The following ARHGEF12 variants were observed in gnomAD, a reference collection of about 807,000 sequenced individuals.
ARHGEF12 encodes KMT2A/ARHGEF12 fusion protein.
A neutral mutation model predicts 211.2 loss-of-function variants in ARHGEF12; 66 were observed. The ratio of observed to expected loss-of-function variants is 0.31; its 90% confidence interval spans 0.26 to 0.38. The LOEUF (loss-of-function observed/expected upper bound fraction) is 0.38, where lower values mean the gene tolerates loss of function less well. ARHGEF12 is among the 10% of genes least tolerant of loss of function. The pLI is 1.00. For synonymous variants in ARHGEF12, 592 were observed against 638.4 expected, an observed-to-expected ratio of 0.93 and a Z score of 1.09; for missense variants, 1,429 against 1,869.5, an observed-to-expected ratio of 0.76 and a Z score of 4.34.
chr11:120,409,586 C>G (rs140107215), intron 4 of ARHGEF12, 136 bp downstream of exon 4: 1 of 837,848 alleles, frequency 1.2e-6, no homozygotes, highest in African/African-American at 1.7e-5. Flanking sequence ...ATGGCATGAT[C>G]TACTGCAGGG....
chr11:120,467,452 T>C (rs1296411), intron 29 of ARHGEF12, 144 bp downstream of exon 29: 5 of 527,402 alleles, frequency 9.5e-6, no homozygotes, highest in African/African-American at 6.0e-5. Flanking sequence ...TTTTTTTTTT[T>C]CCTTTTTTGA....
intron 1 of ARHGEF12, among the ~76,000 whole-genome samples, chr11:120,391,458 G>A (rs1023664670): frequency 6.6e-6 from 1 of 152,166 alleles, no homozygotes; most frequent in African/African-American, 2.4e-5. Flanking sequence ...CCTGCCTTTG[G>A]CAGTAGAGCA....
chr11:120,341,557 G>T (rs150726933), intron 1 of ARHGEF12, among the ~76,000 whole-genome samples: 1 of 152,316 alleles, frequency 6.6e-6, no homozygotes, highest in Non-Finnish European at 1.5e-5. Context: ...ATGTCATCCA[G>T]TGGTGGGTAT....
At chr11:120,357,673 GA>G (rs1943166660) in intron 1 of ARHGEF12, among the ~76,000 whole-genome samples, 1 of 152,154 alleles carries the variant, frequency 6.6e-6, no homozygotes, top group South Asian at 2.1e-4. Context: ...GGGTTCAAGG[GA>G]TTCTTGTGCC....
intron 1 of ARHGEF12, among the ~76,000 whole-genome samples, chr11:120,355,510 A>C (rs1943108142): frequency 6.6e-6 from 1 of 152,210 alleles, no homozygotes; most frequent in Admixed American, 6.5e-5. Context: ...GATTGACTAG[A>C]TCAGTATTTC....
chr11:120,430,668 A>C (rs1183427387), intron 10 of ARHGEF12, among the ~76,000 whole-genome samples: 1 of 152,210 alleles, frequency 6.6e-6, no homozygotes, highest in South Asian at 2.1e-4. Context: ...ACTGTTCCCG[A>C]GTTAAATCTG....
At position 120,337,143 on chromosome 11, in the gene ARHGEF12, C is replaced by T; in HGVS notation, c.-101C>T. On this transcript the variant is annotated 5_prime_UTR_variant, in exon 1 of 41. Coordinates refer to ENST00000397843, the MANE Select transcript of ARHGEF12 (RefSeq NM_015313.3). ...AGTTTTGAGTTGGACTTTTGTGTCCCTGACGGAGTTGGGCCTGATCCCAGA... is the reference window on the plus strand; with the variant it reads ...AGTTTTGAGTTGGACTTTTGTGTCCTTGACGGAGTTGGGCCTGATCCCAGA... 2 of 1,424,778 alleles carry T rather than the reference C, an allele frequency of 1.4e-6. No individual in the cohort carries two copies. Among genetic ancestry groups the T allele is most frequent in the South Asian group, 1.2e-5 (1 of 86,122 alleles). The allele number at this position is 1,424,778 out of a possible 1,614,324, so 88.3% of individuals were successfully genotyped here.
intron 1 of ARHGEF12, among the ~76,000 whole-genome samples, chr11:120,393,221 G>A (rs1315350178): frequency 1.3e-5 from 2 of 151,704 alleles, no homozygotes; most frequent in Admixed American, 6.6e-5. Flanking sequence ...CCAAATTAAC[G>A]GAATATTAAA....
At chr11:120,358,314 G>A (rs192551775) in intron 1 of ARHGEF12, among the ~76,000 whole-genome samples, 48 of 152,230 alleles carry the variant, frequency 3.2e-4, no homozygotes, top group African/African-American at 1.0e-3. Flanking sequence ...ATACCAGCAG[G>A]GTGAAAGGTG....
chr11:120,349,110 G>A (rs929887720), intron 1 of ARHGEF12, among the ~76,000 whole-genome samples: 1 of 152,094 alleles, frequency 6.6e-6, no homozygotes, highest in African/African-American at 2.4e-5. Flanking sequence ...ACAATTTGGG[G>A]GAATGTTTGA....
chr11:120,378,538 T>A (rs1387326416), intron 1 of ARHGEF12, among the ~76,000 whole-genome samples: 4 of 152,240 alleles, frequency 2.6e-5, no homozygotes, highest in South Asian at 4.1e-4. Context: ...TTGGTCCCTA[T>A]CGTAAATATC....
At chr11:120,446,016 A>C (rs1374490398) in intron 16 of ARHGEF12, among the ~76,000 whole-genome samples, 5 of 151,750 alleles carry the variant, frequency 3.3e-5, no homozygotes, top group Non-Finnish European at 7.4e-5. Context: ...TGGCTAACAC[A>C]GTGAAACCTT....
At chr11:120,391,905 A>C (rs1252583961) in intron 1 of ARHGEF12, among the ~76,000 whole-genome samples, 1 of 152,204 alleles carries the variant, frequency 6.6e-6, no homozygotes, top group African/African-American at 2.4e-5. Flanking sequence ...TCCACATATT[A>C]GATGCTGCAT....
intron 37 of ARHGEF12, 72 bp downstream of exon 37, chr11:120,478,461 G>T: frequency 3.0e-6 from 4 of 1,343,596 alleles, no homozygotes; most frequent in South Asian, 1.3e-5. Context: ...TAAAGTATGT[G>T]GATTTATCAA....
Position 120,347,152 on chromosome 11 carries a change from C to T in ARHGEF12, c.32+9877C>T, listed in dbSNP as rs1398880169. On this transcript the variant is annotated intron_variant, in intron 1 of 40. Transcript: ENST00000397843. ...CTTTCTTTCCTTCCTTCCTTCCTTC[C>T]TTCCTTCCTTCCTTCCTTCCTTCCT... 6.4e-4 allele frequency among the ~76,000 whole-genome samples: 29 copies of T among 45,336 alleles called. 1 individual carries two copies. The South Asian group carries it at 8.9e-3, about 14-fold the overall frequency. The allele number at this position is 45,336 out of a possible 152,430, so 29.7% of individuals were successfully genotyped here.
rs999457350 is a variant in ARHGEF12 at position 120,341,246 on chromosome 11, C to T, written c.32+3971C>T. Among the ~76,000 whole-genome samples, 5 of 152,182 alleles carry T rather than the reference C, an allele frequency of 3.3e-5. No homozygotes were observed. In the East Asian group the frequency reaches 7.7e-4, roughly 24 times the overall value. On this transcript the variant is annotated intron_variant, in intron 1 of 40. Transcript: ENST00000397843. ...CTAATTTTTGTATTTTTAGTAGAGACGGGGTTTCACCATATTGGCCAGGCT... is the reference window on the plus strand; with the variant it reads ...CTAATTTTTGTATTTTTAGTAGAGATGGGGTTTCACCATATTGGCCAGGCT...
rs188245653 is a variant in ARHGEF12, at chr11:120,444,327, A to G, written c.1303-1095A>G. Among the ~76,000 whole-genome samples, 524 of 142,444 alleles carry G rather than the reference A, an allele frequency of 3.7e-3. 3 individuals are homozygous for G. Among genetic ancestry groups the G allele is most frequent in the African/African-American group, 0.011 (463 of 40,976 alleles). The allele number at this position is 142,444 out of a possible 152,430, so 93.4% of individuals were successfully genotyped here. The stretch of plus-strand genomic sequence containing the variant: ...CTTTACATTTTGCTACACATGATCT[A>G]TATATCAATATTAAAGTATAAGAAG... On this transcript the variant is annotated intron_variant, in intron 15 of 40. Transcript: ENST00000397843.
intron 4 of ARHGEF12, among the ~76,000 whole-genome samples, chr11:120,418,292 C>A (rs938813358): frequency 6.6e-6 from 1 of 152,056 alleles, no homozygotes; most frequent in Non-Finnish European, 1.5e-5. Context: ...TTAGTTTTTC[C>A]TTTTCTATGT....
At chr11:120,417,009 A>T (rs1164570904) in intron 4 of ARHGEF12, among the ~76,000 whole-genome samples, 1 of 152,220 alleles carries the variant, frequency 6.6e-6, no homozygotes, top group East Asian at 1.9e-4. Context: ...AGTAGCATGG[A>T]TAGAGGAGAA....
Sources: allele counts gnomAD v4.1 joint callset (sites outside exome capture counted in the v4.1 genomes callset), GRCh38; gene constraint gnomAD v4.1.1; transcripts MANE v1.5; gene names NCBI Gene and HGNC (gene_info 2026-07-23, HGNC 2026-07-21).